Variants in CNTN4 observed in about 807,000 individuals in gnomAD.
CNTN4 encodes the protein contactin-4.
Under a neutral mutation model 122.5 loss-of-function variants are expected in CNTN4, and 77 were observed. That is an observed-to-expected ratio of 0.63 (90% CI 0.52 to 0.76). The LOEUF (loss-of-function observed/expected upper bound fraction) is 0.76. CNTN4 is among the 30% of genes least tolerant of loss of function. CNTN4 has a pLI of 0.00. For synonymous variants in CNTN4, 512 were observed against 447.0 expected (o/e 1.15, Z -1.83); for missense variants, 1,256 against 1,259.1 (o/e 1.00, Z 0.04).
intron 4 of CNTN4, among the ~76,000 whole-genome samples, chr3:2,636,993 G>A (rs1391662704): frequency 7.3e-6 from 1 of 136,418 alleles, no homozygotes; most frequent in Non-Finnish European, 1.5e-5. Flanking sequence ...TCTGGAGTGC[G>A]GTGAGTGGCA....
chr3:2,468,515 G>A lies in CNTN4; in HGVS notation c.-88-102901G>A, dbSNP rs115346330. Among the ~76,000 whole-genome samples, 529 of 152,208 alleles carry A rather than the reference G, an allele frequency of 3.5e-3. 3 individuals are homozygous for A. Among genetic ancestry groups the A allele is most frequent in the Middle Eastern group, 0.01 (3 of 294 alleles). ...ACATTTCAGAAATGCAGAGTCTTAC[G>A]GTAGGCTGTTGTGTCTGGGATCTAC... On this transcript the variant is annotated intron_variant, in intron 3 of 24. Coordinates refer to ENST00000418658, the MANE Select transcript of CNTN4 (RefSeq NM_175607.3).
intron 3 of CNTN4, chr3:2,362,196 T>G (rs539670132): frequency 5.7e-6 from 1 of 175,668 alleles, no homozygotes; most frequent in Non-Finnish European, 1.2e-5. Context: ...CTATATTCCA[T>G]GTAAAGGATT....
intron 13 of CNTN4, among the ~76,000 whole-genome samples, chr3:2,967,192 T>C (rs1440301844): frequency 3.9e-5 from 6 of 152,032 alleles, no homozygotes; most frequent in Admixed American, 3.9e-4. Flanking sequence ...GATGAACACA[T>C]AGGAAGTCGT....
rs560299245 is a variant in CNTN4 at position 2,527,478 on chromosome 3, A to G, written c.-88-43938A>G. Among the ~76,000 whole-genome samples, 36 of 152,230 alleles carry G rather than the reference A, an allele frequency of 2.4e-4. 1 individual carries two copies. Among genetic ancestry groups the G allele is most frequent in the Non-Finnish European group, 4.6e-4 (31 of 68,036 alleles). ...GCGGTTGTTGTGGTTGTGTGAGTTTAGGTGGCTGTGGAGAAACGTCTTTCA... is the reference window on the plus strand; with the variant it reads ...GCGGTTGTTGTGGTTGTGTGAGTTTGGGTGGCTGTGGAGAAACGTCTTTCA... On this transcript the variant is annotated intron_variant, in intron 3 of 24. Transcript: ENST00000418658.
chr3:2,952,666 A>G (rs544512866), intron 13 of CNTN4, among the ~76,000 whole-genome samples: 1 of 152,360 alleles, frequency 6.6e-6, no homozygotes, highest in East Asian at 1.9e-4. Flanking sequence ...TGGCGCAATC[A>G]TATGGCATTG....
At chr3:2,495,736 G>A (rs1252878131) in intron 3 of CNTN4, among the ~76,000 whole-genome samples, 2 of 152,164 alleles carry the variant, frequency 1.3e-5, no homozygotes, top group Non-Finnish European at 2.9e-5. Flanking sequence ...AGGGGGAACA[G>A]TTTCATCTTG....
In CNTN4 at chr3:2,219,305, T is replaced by C. The variant is rs537356370; in HGVS notation, c.-145+118666T>C. Among the ~76,000 whole-genome samples the C allele has an allele frequency of 2.6e-5, 4 of 152,326 alleles. No individual in the cohort carries two copies. In the South Asian group the frequency reaches 8.3e-4, roughly 32 times the overall value. On this transcript the variant is annotated intron_variant, in intron 2 of 24. Transcript: ENST00000418658. ...AAATACATACATATGTATAAAATTG[T>C]TTTGGATTTTTGTGTCCCAGTGTTA...
At chr3:2,113,377 C>T (rs750118800) in intron 2 of CNTN4, among the ~76,000 whole-genome samples, 43 of 152,152 alleles carry the variant, frequency 2.8e-4, no homozygotes, top group Non-Finnish European at 5.1e-4. Flanking sequence ...TAGAAATTTG[C>T]CCATGGCCGT....
At chr3:2,429,953 CA>C (rs1348957371) in intron 3 of CNTN4, among the ~76,000 whole-genome samples, 1 of 152,144 alleles carries the variant, frequency 6.6e-6, no homozygotes, top group Non-Finnish European at 1.5e-5. Flanking sequence ...CCCAATTTTC[CA>C]GGTGCCATCT....
At position 3,037,335 on chromosome 3, in the gene CNTN4, A is replaced by G. The variant is rs139466038; in HGVS notation, c.2092+7A>G. 109 of 1,614,162 alleles carry G rather than the reference A, an allele frequency of 6.8e-5. No homozygotes were observed. The African/African-American group carries it at 1.3e-3, about 19-fold the overall frequency. ...CGGAGAACAGAAGAAGCTCGTGAGT[A>G]GCACCCGAGATTCAGATCATCTGTT... On this transcript the variant is annotated splice_region_variant and intron_variant, in intron 18 of 24. Transcript: ENST00000418658.
intron 3 of CNTN4, among the ~76,000 whole-genome samples, chr3:2,368,182 C>T (rs1230542182): frequency 2.7e-5 from 2 of 73,476 alleles, no homozygotes; most frequent in African/African-American, 4.7e-5. Flanking sequence ...ACAGGGCCCG[C>T]CACCACGCCC....
chr3:2,473,242 A>C (rs867357467), intron 3 of CNTN4, among the ~76,000 whole-genome samples: 12 of 91,454 alleles, frequency 1.3e-4, no homozygotes, highest in Admixed American at 9.6e-4. Flanking sequence ...AAAAAAAAAA[A>C]AAAAAAAAAA....
intron 5 of CNTN4, among the ~76,000 whole-genome samples, chr3:2,738,838 G>A (rs1284784211): frequency 6.6e-6 from 1 of 151,956 alleles, no homozygotes; most frequent in Non-Finnish European, 1.5e-5. Context: ...TTATGACTTT[G>A]GGGAAGGAAG....
chr3:2,934,102 G>A (rs981143544), intron 13 of CNTN4, among the ~76,000 whole-genome samples: 1 of 152,180 alleles, frequency 6.6e-6, no homozygotes, highest in African/African-American at 2.4e-5. Flanking sequence ...AAGCATGACT[G>A]CTGGATTTAG....
intron 4 of CNTN4, among the ~76,000 whole-genome samples, chr3:2,693,410 T>C (rs1228721627): frequency 6.6e-6 from 1 of 152,186 alleles, no homozygotes; most frequent in Non-Finnish European, 1.5e-5. Flanking sequence ...TAAAACTGTT[T>C]AGATGCAGGC....
intron 3 of CNTN4, among the ~76,000 whole-genome samples, chr3:2,506,147 G>A (rs1360327737): frequency 6.6e-6 from 1 of 152,138 alleles, no homozygotes; most frequent in Non-Finnish European, 1.5e-5. Context: ...CCGGATCTAA[G>A]GAGAGACACT....
In CNTN4 at chr3:2,192,766, A is replaced by G. The variant is rs185666543; in HGVS notation, c.-145+92127A>G. Among the ~76,000 whole-genome samples, 8 of 152,116 alleles carry G rather than the reference A, an allele frequency of 5.3e-5. No homozygotes were observed. In the East Asian group the frequency reaches 1.5e-3, roughly 29 times the overall value. On this transcript the variant is annotated intron_variant, in intron 2 of 24. Coordinates refer to ENST00000418658, the MANE Select transcript of CNTN4 (RefSeq NM_175607.3). ...TACTTGCTCTGTGAATGGCTTACTG[A>G]TTTTTCTCTTCTACTTTCTAACTTT...
At chr3:2,870,872 A>G (rs1186001544) in intron 8 of CNTN4, among the ~76,000 whole-genome samples, 5 of 152,192 alleles carry the variant, frequency 3.3e-5, no homozygotes, top group Admixed American at 2.6e-4. Context: ...CCAAAAGGCC[A>G]CAGTGAGTCA....
At chr3:2,774,843 A>G (rs2091252803) in intron 6 of CNTN4, among the ~76,000 whole-genome samples, 1 of 152,250 alleles carries the variant, frequency 6.6e-6, no homozygotes, top group African/African-American at 2.4e-5. Flanking sequence ...ACCATCAACA[A>G]CATAAAGCAG....
Sources: allele counts gnomAD v4.1 joint callset (sites outside exome capture counted in the v4.1 genomes callset), GRCh38; gene constraint gnomAD v4.1.1; transcripts MANE v1.5; gene names NCBI Gene and HGNC (gene_info 2026-07-23, HGNC 2026-07-21).